ZFYVE28: variants seen among roughly 807,000 people sequenced by gnomAD.
ZFYVE28 encodes zinc finger FYVE-type containing 28.
Under a neutral mutation model 82.1 loss-of-function variants are expected in ZFYVE28, and 40 were observed. The observed-to-expected ratio is 0.49, with a 90% confidence interval of 0.38 to 0.63. The LOEUF (loss-of-function observed/expected upper bound fraction) is 0.63, where lower values mean the gene tolerates loss of function less well. ZFYVE28 is among the 30% of genes least tolerant of loss of function. ZFYVE28 has a pLI of 0.00. For missense variants in ZFYVE28, 1,321 were observed against 1,242.1 expected (o/e 1.06, Z -0.96); for synonymous variants, 612 against 546.1 (o/e 1.12, Z -1.68).
chr4:2,397,026 C>A (rs559543657), intron 1 of ZFYVE28, among the ~76,000 whole-genome samples: 1 of 152,170 alleles, frequency 6.6e-6, no homozygotes, highest in Non-Finnish European at 1.5e-5. Flanking sequence ...GGCTCAGGGG[C>A]GACTGCCACG....
intron 1 of ZFYVE28, among the ~76,000 whole-genome samples, chr4:2,376,000 A>C (rs925839613): frequency 6.6e-6 from 1 of 151,626 alleles, no homozygotes; most frequent in Non-Finnish European, 1.5e-5. Context: ...CAGCCTCCCA[A>C]GTAGCTGTGA....
chr4:2,279,526 T>C (rs1385909231), intron 8 of ZFYVE28, among the ~76,000 whole-genome samples: 2 of 152,028 alleles, frequency 1.3e-5, no homozygotes, highest in East Asian at 3.9e-4. Flanking sequence ...ACACCTGTAA[T>C]CCCAGCACTT....
Position 2,341,317 on chromosome 4 carries a change from C to A in ZFYVE28, c.318+161G>T, listed in dbSNP as rs1722758674. ...TCCCAGATCCTCCAGGGGTGCACGGCCTACCAGGCTCAGACCACACCACGT... is the reference window on the plus strand; with the variant it reads ...TCCCAGATCCTCCAGGGGTGCACGGACTACCAGGCTCAGACCACACCACGT... On this transcript the variant is annotated intron_variant, in intron 3 of 12. Transcript: ENST00000290974. This position sits in a 1 kb window ranked among gnomAD's most constrained non-coding sequence, Gnocchi z 4.5. 1 of 950,630 alleles carries A rather than the reference C, an allele frequency of 1.1e-6. No individual in the cohort carries two copies. Among genetic ancestry groups the A allele is most frequent in the African/African-American group, 1.6e-5 (1 of 60,908 alleles). The allele number at this position is 950,630 out of a possible 1,614,324, so 58.9% of individuals were successfully genotyped here.
At chr4:2,301,111 C>CT (rs951655545) in intron 8 of ZFYVE28, among the ~76,000 whole-genome samples, 104 of 151,216 alleles carry the variant, frequency 6.9e-4, no homozygotes, top group African/African-American at 2.5e-3. Flanking sequence ...CTGTGTCTGT[C>CT]TGTTTAAAAA....
At chr4:2,308,736 AAAGG>A (rs1452740952) in intron 7 of ZFYVE28, among the ~76,000 whole-genome samples, 3 of 151,654 alleles carry the variant, frequency 2.0e-5, no homozygotes, top group Non-Finnish European at 2.9e-5. Context: ...AAAAGAAAAG[AAAGG>A]AAGGAAGGAA....
At chr4:2,374,400 C>G (rs1233805464) in intron 1 of ZFYVE28, among the ~76,000 whole-genome samples, 2 of 152,090 alleles carry the variant, frequency 1.3e-5, no homozygotes. Flanking sequence ...TTGTTTGAGT[C>G]CAGGAGCTCG....
intron 7 of ZFYVE28, 95 bp from the exon 8 acceptor site, chr4:2,305,631 G>T: frequency 6.9e-7 from 1 of 1,443,674 alleles, no homozygotes; most frequent in Non-Finnish European, 9.5e-7. Flanking sequence ...GTCTGCACCA[G>T]CAGAACAACA....
intron 1 of ZFYVE28, among the ~76,000 whole-genome samples, chr4:2,377,717 T>C (rs1728308535): frequency 6.6e-6 from 1 of 152,218 alleles, no homozygotes; most frequent in Non-Finnish European, 1.5e-5. Context: ...TTTCTGTTAA[T>C]TCTAAAGATT....
rs372060107 is a variant in ZFYVE28, at chr4:2,274,105, G to A, written c.2163C>T (p.His721=). Residue 721 remains histidine (H), a synonymous_variant, in exon 9 of 13, where the codon CAC becomes CAT. Transcript: ENST00000290974. Reference sequence around the variant, plus strand: ...GGCGGTGGATGAGGTCGTGGCTGCCGTGGAACCTGGACCGGATCTTCTCTC... The same window carrying A: ...GGCGGTGGATGAGGTCGTGGCTGCCATGGAACCTGGACCGGATCTTCTCTC... ...ATREKIRSRF[H]GSHDLIHRLF... The A allele has an allele frequency of 6.2e-6, 10 of 1,613,526 alleles. No individual in the cohort carries two copies. The highest frequency in any genetic ancestry group is 4.0e-5 in the African/African-American group (3 of 74,912).
chr4:2,351,128 T>C (rs996237609), intron 2 of ZFYVE28, among the ~76,000 whole-genome samples: 1 of 152,136 alleles, frequency 6.6e-6, no homozygotes, highest in African/African-American at 2.4e-5. Flanking sequence ...GGCCGTCTTG[T>C]GGGACTGAGC....
chr4:2,309,012 G>A (rs61789420), intron 7 of ZFYVE28, among the ~76,000 whole-genome samples: 4,802 of 152,280 alleles, frequency 0.032, 105 homozygotes, highest in Middle Eastern at 0.065. Context: ...ACTACCATAG[G>A]TGGTATTTGC....
intron 1 of ZFYVE28, among the ~76,000 whole-genome samples, chr4:2,393,789 C>T (rs147348973): frequency 2.6e-5 from 4 of 152,150 alleles, no homozygotes; most frequent in African/African-American, 7.2e-5. Flanking sequence ...GACGGACTTC[C>T]GGGCTTTACT....
intron 4 of ZFYVE28, among the ~76,000 whole-genome samples, chr4:2,337,888 A>ACACACACACACACACACACC (rs1390610932): frequency 2.0e-5 from 3 of 151,348 alleles, no homozygotes; most frequent in African/African-American, 7.3e-5. Flanking sequence ...ACACACACAC[A>ACACACACACACACACACACC]CCCTACACCA....
intron 1 of ZFYVE28, among the ~76,000 whole-genome samples, chr4:2,356,638 G>A (rs1476791495): frequency 6.6e-6 from 1 of 152,174 alleles, no homozygotes; most frequent in Non-Finnish European, 1.5e-5. Context: ...GGTCGCAGTC[G>A]CCCAGCGACC....
intron 1 of ZFYVE28, among the ~76,000 whole-genome samples, chr4:2,405,051 G>T (rs1248490431): frequency 6.6e-6 from 1 of 152,006 alleles, no homozygotes; most frequent in Non-Finnish European, 1.5e-5. Flanking sequence ...TCTCTTAAAA[G>T]ATTAAAATAT....
chr4:2,401,800 A>T (rs1423356106), intron 1 of ZFYVE28, among the ~76,000 whole-genome samples: 1 of 152,208 alleles, frequency 6.6e-6, no homozygotes, highest in Non-Finnish European at 1.5e-5. Context: ...TTCATCCATC[A>T]GCAGCAAAAC....
At chr4:2,288,439 C>T (rs1197405987) in intron 8 of ZFYVE28, among the ~76,000 whole-genome samples, 1 of 152,214 alleles carries the variant, frequency 6.6e-6, no homozygotes, top group Non-Finnish European at 1.5e-5. Flanking sequence ...GGTGCTGGGG[C>T]CACAGTGGAG....
At position 2,330,710 on chromosome 4, in the gene ZFYVE28, G is replaced by A. The variant is rs139887946; in HGVS notation, c.701+4995C>T. The A allele has an allele frequency of 7.8e-3, 11,498 of 1,464,966 alleles. 70 individuals carry two copies. Among genetic ancestry groups the A allele is most frequent in the Non-Finnish European group, 9.3e-3 (10,308 of 1,110,748 alleles). 90.7% of individuals were successfully genotyped at this position (1,464,966 alleles called of 1,614,324 possible). On this transcript the variant is annotated intron_variant, in intron 6 of 12. Transcript: ENST00000290974. Reference sequence around the variant, plus strand: ...AGAGGACACTGGAGCAGAGGGGACAGCGTGGAGGAGGAAACATCATGGAAA... The same window carrying A: ...AGAGGACACTGGAGCAGAGGGGACAACGTGGAGGAGGAAACATCATGGAAA...
intron 7 of ZFYVE28, among the ~76,000 whole-genome samples, chr4:2,307,753 C>T (rs4429783): frequency 0.44 from 67,460 of 152,032 alleles, 15,896 homozygotes; most frequent in Middle Eastern, 0.55. Flanking sequence ...CTTGGCCTCC[C>T]AAAGTGCTGG....
Sources: allele counts gnomAD v4.1 joint callset (sites outside exome capture counted in the v4.1 genomes callset), GRCh38; gene constraint gnomAD v4.1.1; non-coding constraint Gnocchi (gnomAD v3.1); transcripts MANE v1.5; gene names NCBI Gene and HGNC (gene_info 2026-07-23, HGNC 2026-07-21).